Variants in ADAM29 observed in about 807,000 individuals in gnomAD.
The protein encoded by ADAM29 is ADAM metallopeptidase domain 29, also known as disintegrin and metalloproteinase domain-containing protein 29.
For synonymous variants in ADAM29, 367 were observed against 342.3 expected (o/e 1.07, Z -0.80); for missense variants, 969 against 1,001.8 (o/e 0.97, Z 0.44).
At chr4:174,964,206 T>G (rs1212480179) in intron 4 of ADAM29, among the ~76,000 whole-genome samples, 1 of 151,924 alleles carries the variant, frequency 6.6e-6, no homozygotes, top group Admixed American at 6.5e-5. Context: ...GTAATTAGGG[T>G]GGGCTCGAAT....
At chr4:174,924,902 A>T (rs1743408367) in intron 2 of ADAM29, among the ~76,000 whole-genome samples, 1 of 152,216 alleles carries the variant, frequency 6.6e-6, no homozygotes, top group African/African-American at 2.4e-5. Context: ...CATTAGAGAA[A>T]TGGACAAATC....
intron 2 of ADAM29, among the ~76,000 whole-genome samples, chr4:174,928,511 C>G (rs553186935): frequency 1.7e-3 from 243 of 139,180 alleles, no homozygotes; most frequent in Non-Finnish European, 3.3e-3. Flanking sequence ...GGAGGGGGAA[C>G]AGTCTGGTTG....
intron 4 of ADAM29, among the ~76,000 whole-genome samples, chr4:174,949,757 C>G (rs887572132): frequency 5.3e-5 from 8 of 152,052 alleles, no homozygotes; most frequent in Non-Finnish European, 7.4e-5. Flanking sequence ...TCTGAACCAC[C>G]ATTATTCTTG....
At chr4:174,965,928 A>C (rs756304393) in intron 4 of ADAM29, among the ~76,000 whole-genome samples, 4 of 152,170 alleles carry the variant, frequency 2.6e-5, no homozygotes, top group African/African-American at 4.8e-5. Context: ...TGGTACAACA[A>C]ATTCATGTCT....
chr4:174,971,765 A>G (rs1205317335), intron 4 of ADAM29, among the ~76,000 whole-genome samples: 1 of 152,152 alleles, frequency 6.6e-6, no homozygotes, highest in East Asian at 1.9e-4. Flanking sequence ...GGAAGTGTTC[A>G]GCCATTATTT....
chr4:174,928,855 C>T (rs1560860960), intron 2 of ADAM29, among the ~76,000 whole-genome samples: 1 of 152,130 alleles, frequency 6.6e-6, no homozygotes, highest in Non-Finnish European at 1.5e-5. Flanking sequence ...AAGGATGACT[C>T]TCAGGACCTG....
At chr4:174,966,504 G>T (rs1449964238) in intron 4 of ADAM29, among the ~76,000 whole-genome samples, 1 of 152,188 alleles carries the variant, frequency 6.6e-6, no homozygotes, top group Non-Finnish European at 1.5e-5. Flanking sequence ...ACAGGAGTAG[G>T]ATAGACATCC....
At chr4:174,960,580 T>C (rs10004439) in intron 4 of ADAM29, among the ~76,000 whole-genome samples, 2,775 of 152,242 alleles carry the variant, frequency 0.018, 88 homozygotes, top group African/African-American at 0.063. Flanking sequence ...CCTAAGAATA[T>C]TTACATCTTT....
At chr4:174,927,848 C>A (rs971675769) in intron 2 of ADAM29, among the ~76,000 whole-genome samples, 3 of 152,108 alleles carry the variant, frequency 2.0e-5, no homozygotes, top group Non-Finnish European at 4.4e-5. Flanking sequence ...TCTATGTTTA[C>A]TGGGTCCTGA....
rs142336147 is a variant in ADAM29, at chr4:174,926,263, C to T, written c.-450-4723C>T. On this transcript the variant is annotated intron_variant, in intron 2 of 4. Transcript: ENST00000359240. ...ACAAAAGAAAAAACCGTATCGATAA[C>T]GCTTCAAATTGATGCTCAGACCACT... Among the ~76,000 whole-genome samples, 1,494 of 152,154 alleles carry T rather than the reference C, an allele frequency of 9.8e-3. 28 individuals are homozygous for T. The highest frequency in any genetic ancestry group is 0.034 in the African/African-American group (1,410 of 41,514).
chr4:174,945,010 G>T (rs1049993203), intron 4 of ADAM29, among the ~76,000 whole-genome samples: 2 of 152,006 alleles, frequency 1.3e-5, no homozygotes, highest in Non-Finnish European at 2.9e-5. Context: ...TTTTATGGTG[G>T]AACAATTTAT....
At chr4:174,971,105 G>T (rs1746454289) in intron 4 of ADAM29, among the ~76,000 whole-genome samples, 1 of 151,436 alleles carries the variant, frequency 6.6e-6, no homozygotes, top group African/African-American at 2.4e-5. Context: ...TTTGTCTTTT[G>T]ACTTTTATAC....
In ADAM29 at chr4:174,976,744, G is replaced by T; in HGVS notation, c.1219G>T (p.Glu407Ter). 1 of 1,613,998 alleles carries T rather than the reference G, an allele frequency of 6.2e-7. No homozygotes were observed. Among genetic ancestry groups the T allele is most frequent in the Non-Finnish European group, 8.5e-7 (1 of 1,179,914 alleles). Residue 407 changes from glutamate to a stop codon, truncating the protein, a stop_gained, in exon 5 of 5, where the codon GAA becomes TAA. Coordinates refer to ENST00000359240, the MANE Select transcript of ADAM29 (RefSeq NM_014269.4). LOFTEE classifies it low-confidence loss of function (END_TRUNC). ...VKRCGNGVVE[E>*]GEECDCGPLK... ...GCGCTGTGGGAATGGTGTTGTTGAAGAAGGAGAAGAGTGTGACTGTGGACC... is the reference window on the plus strand; with the variant it reads ...GCGCTGTGGGAATGGTGTTGTTGAATAAGGAGAAGAGTGTGACTGTGGACC...
At position 174,976,785 on chromosome 4, in the gene ADAM29, A is replaced by C; in HGVS notation, c.1260A>C (p.Ala420=). 6.2e-7 allele frequency: 1 copy of C among 1,614,186 alleles called. No homozygotes were observed. Among genetic ancestry groups the C allele is most frequent in the East Asian group, 2.2e-5 (1 of 44,872 alleles). ...ACTGTGGACCTTTAAAGCATTGTGC[A>C]AAAGATCCCTGCTGTCTGTCAAATT... ...ECDCGPLKHC[A]KDPCCLSNCT... is the part of the protein sequence containing the mutation. The change falls in exon 5 of 5, where the codon GCA becomes GCC. Residue 420 remains alanine (A), a synonymous_variant. Coordinates refer to ENST00000359240, the MANE Select transcript of ADAM29 (RefSeq NM_014269.4).
chr4:174,936,532 T>A (rs1034716970), intron 3 of ADAM29, among the ~76,000 whole-genome samples: 3 of 152,026 alleles, frequency 2.0e-5, no homozygotes, highest in Non-Finnish European at 1.5e-5. Flanking sequence ...TGGCAACTCA[T>A]TATAACTTTA....
In ADAM29 at chr4:174,929,080, C is replaced by A. The variant is rs532936577; in HGVS notation, c.-450-1906C>A. On this transcript the variant is annotated intron_variant, in intron 2 of 4. Coordinates refer to ENST00000359240, the MANE Select transcript of ADAM29 (RefSeq NM_014269.4). The stretch of plus-strand genomic sequence containing the variant: ...TCAGTGCCAGATGACTTAAAATTTC[C>A]GGAATGCCATCTGCTAATTTGCACT... 2.0e-5 allele frequency among the ~76,000 whole-genome samples: 3 copies of A among 152,300 alleles called. No homozygotes were observed. The East Asian group carries it at 5.8e-4, about 29-fold the overall frequency.
chr4:174,968,235 A>G (rs1746261442), intron 4 of ADAM29, among the ~76,000 whole-genome samples: 2 of 152,136 alleles, frequency 1.3e-5, no homozygotes, highest in Admixed American at 1.3e-4. Flanking sequence ...TCATTTGACA[A>G]TTGCACACAC....
chr4:174,924,654 G>A (rs1743390922), intron 2 of ADAM29, among the ~76,000 whole-genome samples: 3 of 152,108 alleles, frequency 2.0e-5, no homozygotes, highest in African/African-American at 7.2e-5. Context: ...ATTAAGCAAT[G>A]AAAAGACATG....
intron 4 of ADAM29, among the ~76,000 whole-genome samples, chr4:174,965,125 T>C (rs972821639): frequency 6.6e-6 from 1 of 152,138 alleles, no homozygotes; most frequent in African/African-American, 2.4e-5. Flanking sequence ...GGATAATTTA[T>C]AAAGAAAAGA....
Sources: allele counts gnomAD v4.1 joint callset (sites outside exome capture counted in the v4.1 genomes callset), GRCh38; gene constraint gnomAD v4.1.1; transcripts MANE v1.5; gene names NCBI Gene and HGNC (gene_info 2026-07-23, HGNC 2026-07-21).